ERBB2: variants seen among roughly 807,000 people sequenced by gnomAD.
The protein encoded by ERBB2 is receptor tyrosine-protein kinase erbB-2.
In ERBB2, 61 loss-of-function variants were observed where a neutral mutation model predicts 149.0. That is an observed-to-expected ratio of 0.41 (90% CI 0.33 to 0.51). The LOEUF (loss-of-function observed/expected upper bound fraction) is 0.51. ERBB2 is among the 20% of genes least tolerant of loss of function. ERBB2 has a pLI of 0.25. For synonymous variants in ERBB2, 633 were observed against 678.8 expected (o/e 0.93, Z 1.05); for missense variants, 1,205 against 1,655.1 (o/e 0.73, Z 4.72).
rs2145575010 is a variant in ERBB2, at chr17:39,712,322, T to C, written c.1022T>C (p.Val341Ala). 6.2e-7 allele frequency: 1 copy of C among 1,611,946 alleles called. No homozygotes were observed. Among genetic ancestry groups the C allele is most frequent in the African/African-American group, 1.3e-5 (1 of 74,974 alleles). Residue 341 changes from valine to alanine, a missense_variant and splice_region_variant, in exon 9 of 27, where the codon GTG becomes GCG. Physicochemically the swap from Val to Ala is moderately conservative, Grantham distance 64. Around this residue, in one of 6 missense-constraint regions of ERBB2, gnomAD observed 569 missense variants for 803.5 expected, o/e 0.71. Coordinates refer to ENST00000269571, the MANE Select transcript of ERBB2 (RefSeq NM_004448.4). ...TCCCCACCCACCCCCACCTCCTCAGTGTGCTATGGTCTGGGCATGGAGCAC... is the reference window on the plus strand; with the variant it reads ...TCCCCACCCACCCCCACCTCCTCAGCGTGCTATGGTCTGGGCATGGAGCAC... ...CEKCSKPCAR[V>A]CYGLGMEHLR...
chr17:39,725,096 C>A lies in ERBB2; in HGVS notation c.2541C>A (p.Ala847=), dbSNP rs140231769. ...TGCGGCTCGTACACAGGGACTTGGC[C>A]GCTCGGAACGTGCTGGTCAAGAGTC... ...EDVRLVHRDL[A]ARNVLVKSPN... is the part of the protein sequence containing the mutation. Residue 847 remains alanine, a synonymous_variant, in exon 21 of 27, where the codon GCC becomes GCA. Transcript: ENST00000269571. The surrounding 1 kb of genome is among the most constrained non-coding windows in gnomAD (Gnocchi z 4.6). 3 of 1,613,990 alleles carry A rather than the reference C, an allele frequency of 1.9e-6. No individual in the cohort carries two copies. The African/African-American group carries it at 4.0e-5, about 22-fold the overall frequency.
intron 8 of ERBB2, 80 bp from the exon 9 acceptor site, chr17:39,712,242 C>T (rs1027447539): frequency 1.3e-6 from 2 of 1,590,504 alleles, no homozygotes; most frequent in Middle Eastern, 1.7e-4. Flanking sequence ...GGGCCCGGAC[C>T]CTGATGCTCA....
chr17:39,715,053 CCACT>C (rs2059039182), intron 9 of ERBB2, among the ~76,000 whole-genome samples: 1 of 152,200 alleles, frequency 6.6e-6, no homozygotes, highest in Non-Finnish European at 1.5e-5. Context: ...CAGGCGTGAG[CCACT>C]GAGCCCAGGC....
chr17:39,728,322 C>T lies in ERBB2; in HGVS notation c.*278C>T, dbSNP rs942277891. 13 of 361,728 alleles carry T rather than the reference C, an allele frequency of 3.6e-5. No homozygotes were observed. Among genetic ancestry groups the T allele is most frequent in the African/African-American group, 1.8e-4 (9 of 49,404 alleles). 22.4% of individuals were successfully genotyped at this position (361,728 alleles called of 1,614,324 possible). A position where few individuals can be genotyped will look rare whatever the true frequency, so the allele number is the denominator to read the frequency against. ...GGGTCCAGTGGATGCCACAGCCCAG[C>T]TTGGCCCTTTCCTTCCAGATCCTGG... On this transcript the variant is annotated 3_prime_UTR_variant, in exon 27 of 27. Coordinates refer to ENST00000269571, the MANE Select transcript of ERBB2 (RefSeq NM_004448.4).
chr17:39,720,647 A>C (rs947271545), intron 16 of ERBB2, among the ~76,000 whole-genome samples: 8 of 152,068 alleles, frequency 5.3e-5, no homozygotes, highest in Non-Finnish European at 1.0e-4. Flanking sequence ...CCCAGGATGC[A>C]CTATCTTTTT....
In ERBB2 at chr17:39,712,314, C is replaced by T. The variant is rs2058857218; in HGVS notation, c.1022-8C>T. The T allele has an allele frequency of 6.2e-7, 1 of 1,613,504 alleles. No individual in the cohort carries two copies. On this transcript the variant is annotated splice_region_variant and splice_polypyrimidine_tract_variant and intron_variant, in intron 8 of 26. Coordinates refer to ENST00000269571, the MANE Select transcript of ERBB2 (RefSeq NM_004448.4). ...CGGCCCCTTCCCCACCCACCCCCAC[C>T]TCCTCAGTGTGCTATGGTCTGGGCA... is the stretch of plus-strand genomic sequence containing the variant.
chr17:39,700,662 C>T (rs1381892025), intron 1 of ERBB2, among the ~76,000 whole-genome samples: 2 of 152,204 alleles, frequency 1.3e-5, no homozygotes, highest in African/African-American at 4.8e-5. Flanking sequence ...TGAGCCCCCT[C>T]AAGCTTTCTC....
At position 39,709,898 on chromosome 17, in the gene ERBB2, C is replaced by T; in HGVS notation, c.643+17C>T. 6.2e-7 allele frequency: 1 copy of T among 1,612,450 alleles called. No individual in the cohort carries two copies. The highest frequency in any genetic ancestry group is 8.5e-7 in the Non-Finnish European group (1 of 1,179,236). ...GTCAGAGCCGTGAGTCTCAGGGAGG[C>T]CTGGAGTCAGGGAAGGGGAGGGCTG... is the stretch of plus-strand genomic sequence containing the variant. On this transcript the variant is annotated intron_variant, in intron 5 of 26. Transcript: ENST00000269571.
Position 39,725,942 on chromosome 17 carries a change from TG to T in ERBB2, c.2872+90del. ...CAAGGGGCATGAAAGGGGACCAGGA[TG>T]TATGTAGACCCAGGAGCCCTAGTAT... On this transcript the variant is annotated intron_variant, in intron 23 of 26. Coordinates refer to ENST00000269571, the MANE Select transcript of ERBB2 (RefSeq NM_004448.4). The surrounding 1 kb of genome is among the most constrained non-coding windows in gnomAD (Gnocchi z 4.6). 2.8e-6 allele frequency: 4 copies of T among 1,406,638 alleles called. No individual in the cohort carries two copies. The highest frequency in any genetic ancestry group is 4.0e-6 in the Non-Finnish European group (4 of 1,011,166). 87.1% of individuals were successfully genotyped at this position (1,406,638 alleles called of 1,614,324 possible). A position where few individuals can be genotyped will look rare whatever the true frequency, so the allele number is the denominator to read the frequency against.
chr17:39,712,265 C>A (rs1267506736), intron 8 of ERBB2, 57 bp from the exon 9 acceptor site: 1 of 1,609,022 alleles, frequency 6.2e-7, no homozygotes, highest in Non-Finnish European at 8.5e-7. Context: ...TGGCTGTTGA[C>A]CTGTCCCGGT....
At chr17:39,717,654 A>C in intron 15 of ERBB2, 174 bp downstream of exon 15, 1 of 563,612 alleles carries the variant, frequency 1.8e-6, no homozygotes, top group Non-Finnish European at 3.0e-6. Flanking sequence ...TTAATGCCCT[A>C]GCAGTTCTAT....
upstream of ERBB2, among the ~76,000 whole-genome samples, chr17:39,697,355 T>G (rs976112111): frequency 1.6e-4 from 20 of 125,086 alleles, no homozygotes; most frequent in South Asian, 2.4e-4. Flanking sequence ...TTTTGTTTTG[T>G]TTTTTTTTTT....
Position 39,725,051 on chromosome 17 carries a change from G to T in ERBB2, c.2496G>T (p.Gly832=), listed in dbSNP as rs2059674522. Reference sequence around the variant, plus strand: ...TACATGGGTGCTTCCCATTCCAGGGGATGAGCTACCTGGAGGATGTGCGGC... The same window carrying T: ...TACATGGGTGCTTCCCATTCCAGGGTATGAGCTACCTGGAGGATGTGCGGC... ...LLNWCMQIAK[G]MSYLEDVRLV... The change falls in exon 21 of 27, where the codon GGG becomes GGT. Residue 832 remains glycine, a splice_region_variant and synonymous_variant. Transcript: ENST00000269571. This position sits in a 1 kb window ranked among gnomAD's most constrained non-coding sequence, Gnocchi z 4.6. 1 of 1,614,170 alleles carries T rather than the reference G, an allele frequency of 6.2e-7. No individual in the cohort carries two copies. The highest frequency in any genetic ancestry group is 8.5e-7 in the Non-Finnish European group (1 of 1,180,022).
At chr17:39,714,634 A>G (rs1351805557) in intron 9 of ERBB2, among the ~76,000 whole-genome samples, 3 of 152,136 alleles carry the variant, frequency 2.0e-5, no homozygotes, top group Non-Finnish European at 4.4e-5. Context: ...GGTTTTATTT[A>G]ACAGCTCCCC....
upstream of ERBB2, among the ~76,000 whole-genome samples, chr17:39,690,058 A>G (rs1215419931): frequency 6.6e-6 from 1 of 152,170 alleles, no homozygotes; most frequent in Non-Finnish European, 1.5e-5. Context: ...AATAGTTGAC[A>G]TATTGCTACA....
rs1051806403 is a variant in ERBB2, at chr17:39,716,032, G to C, written c.1513+93G>C. ...GCAGCAGCGTTCTTGGACTTGTGCA[G>C]ACTGCCCGTCTCTGTGCACCCTTCT... On this transcript the variant is annotated intron_variant, in intron 12 of 26. Transcript: ENST00000269571. The C allele has an allele frequency of 4.6e-6, 6 of 1,302,340 alleles. No homozygotes were observed. The African/African-American group carries it at 5.8e-5, about 13-fold the overall frequency. 80.7% of individuals were successfully genotyped at this position (1,302,340 alleles called of 1,614,324 possible). A position where few individuals can be genotyped will look rare whatever the true frequency, so the allele number is the denominator to read the frequency against.
chr17:39,706,830 T>A, intron 1 of ERBB2, 160 bp from the exon 2 acceptor site: 1 of 528,812 alleles, frequency 1.9e-6, no homozygotes, highest in Non-Finnish European at 3.0e-6. Flanking sequence ...TTTCTCCTGC[T>A]GTTAAACCTG....
chr17:39,727,197 T>A lies in ERBB2; in HGVS notation c.3160-98T>A, dbSNP rs2059817932. 1 of 1,456,360 alleles carries A rather than the reference T, an allele frequency of 6.9e-7. No homozygotes were observed. The highest frequency in any genetic ancestry group is 9.4e-7 in the Non-Finnish European group (1 of 1,059,894). 90.2% of individuals were successfully genotyped at this position (1,456,360 alleles called of 1,614,324 possible). A position where few individuals can be genotyped will look rare whatever the true frequency, so the allele number is the denominator to read the frequency against. On this transcript the variant is annotated intron_variant, in intron 25 of 26. Coordinates refer to ENST00000269571, the MANE Select transcript of ERBB2 (RefSeq NM_004448.4). This position sits in a 1 kb window ranked among gnomAD's most constrained non-coding sequence, Gnocchi z 4.3. Reference sequence around the variant, plus strand: ...CGGTGACTGTGTCATACCCCAAAGGTGACCTCTGTTTTTCTCCTGTGACCC... The same window carrying A: ...CGGTGACTGTGTCATACCCCAAAGGAGACCTCTGTTTTTCTCCTGTGACCC...
intron 6 of ERBB2, 30 bp downstream of exon 6, chr17:39,710,231 C>T (rs1243823987): frequency 1.2e-6 from 2 of 1,609,126 alleles, no homozygotes; most frequent in East Asian, 4.5e-5. Context: ...GCCCAATGTG[C>T]TCTACCCCCC....
Sources: allele counts gnomAD v4.1 joint callset (sites outside exome capture counted in the v4.1 genomes callset), GRCh38; gene constraint gnomAD v4.1.1; regional missense constraint gnomAD v4.1.1; non-coding constraint Gnocchi (gnomAD v3.1); transcripts MANE v1.5; gene names NCBI Gene and HGNC (gene_info 2026-07-23, HGNC 2026-07-21).